AZIN2: variants seen among roughly 807,000 people sequenced by gnomAD.
The protein encoded by AZIN2 is antizyme inhibitor 2, also known as ODC antizyme inhibitor-2.
AZIN2 carries 28 observed loss-of-function variants against 47.8 expected under a neutral mutation model. That is an observed-to-expected ratio of 0.59 (90% CI 0.43 to 0.80). AZIN2 has a LOEUF of 0.80. Ranked by LOEUF, AZIN2 falls within the 30% of genes least tolerant of loss-of-function variation. The pLI, the probability that AZIN2 is intolerant of heterozygous loss-of-function variation, is 0.00. For missense variants in AZIN2, 535 were observed against 582.5 expected (o/e 0.92, Z 0.84); for synonymous variants, 221 against 239.4 (o/e 0.92, Z 0.71).
Position 33,094,530 on chromosome 1 carries a change from C to A in AZIN2, c.588-18C>A. Reference sequence around the variant, plus strand: ...TTGGAGCCCTGCATGTCAGCCGAGGCTCTTCCTCTCTTCCCAGTTTTCACA... The same window carrying A: ...TTGGAGCCCTGCATGTCAGCCGAGGATCTTCCTCTCTTCCCAGTTTTCACA... On this transcript the variant is annotated intron_variant, in intron 7 of 11. Coordinates refer to ENST00000294517, the MANE Select transcript of AZIN2 (RefSeq NM_052998.4). 6.2e-7 allele frequency: 1 copy of A among 1,602,746 alleles called. No individual in the cohort carries two copies. The highest frequency in any genetic ancestry group is 8.5e-7 in the Non-Finnish European group (1 of 1,171,310).
At chr1:33,161,321 C>G in the AZIN2 span, among the ~76,000 whole-genome samples, 6 of 152,276 alleles carry the variant, frequency 3.9e-5, no homozygotes, top group East Asian at 7.7e-4. The surrounding 1 kb of genome is among the most constrained non-coding windows in gnomAD (Gnocchi z 4.3). Flanking sequence ...AAGGGCTTAA[C>G]GTCAGGACGA....
intron 9 of AZIN2, 168 bp from the exon 10 acceptor site, chr1:33,097,899 C>T (rs1027177186): frequency 5.3e-5 from 33 of 619,510 alleles, no homozygotes; most frequent in Admixed American, 3.8e-4. Flanking sequence ...GGCAGTGAAC[C>T]CATGTCATTG....
At chr1:33,134,318 G>C in the AZIN2 span, among the ~76,000 whole-genome samples, 2 of 152,272 alleles carry the variant, frequency 1.3e-5, no homozygotes, top group African/African-American at 4.8e-5. Context: ...CTATCGTGGT[G>C]AAGTGTCTGG....
At chr1:33,110,610 AG>A (rs1366476269) in intron 10 of AZIN2, among the ~76,000 whole-genome samples, 1 of 152,242 alleles carries the variant, frequency 6.6e-6, no homozygotes, top group Non-Finnish European at 1.5e-5. Context: ...GGCCAGGGTA[AG>A]CAGCATATTA....
At chr1:33,161,271 G>T in the AZIN2 span, among the ~76,000 whole-genome samples, 1 of 152,222 alleles carries the variant, frequency 6.6e-6, no homozygotes, top group Non-Finnish European at 1.5e-5. The surrounding 1 kb of genome is among the most constrained non-coding windows in gnomAD (Gnocchi z 4.3). Flanking sequence ...CAGGATGTCA[G>T]TTGGGGGTCA....
chr1:33,158,452 A>T, the AZIN2 span: 2 of 1,056,924 alleles, frequency 1.9e-6, no homozygotes, highest in South Asian at 2.6e-5. Flanking sequence ...CCTTCAGGGC[A>T]GCTGGCATAG....
In AZIN2 at chr1:33,119,315, A is replaced by T. The variant is rs1315205999; in HGVS notation, c.1245-729A>T. On this transcript the variant is annotated intron_variant, in intron 11 of 11. Transcript: ENST00000294517. ...GGGAAATGGCTGGCAGCTCAAGGGC[A>T]GGGATTTGTTTTTTGGAAAGATGAA... is the stretch of plus-strand genomic sequence containing the variant. The T allele has an allele frequency of 1.9e-5, 3 of 154,078 alleles. No individual in the cohort carries two copies. The East Asian group carries it at 5.8e-4, about 30-fold the overall frequency. The allele number at this position is 154,078 out of a possible 1,614,324, so 9.5% of individuals were successfully genotyped here. A position where few individuals can be genotyped will look rare whatever the true frequency, so the allele number is the denominator to read the frequency against.
At chr1:33,098,566 T>A (rs1390328757) in intron 10 of AZIN2, among the ~76,000 whole-genome samples, 2 of 152,214 alleles carry the variant, frequency 1.3e-5, no homozygotes, top group Non-Finnish European at 2.9e-5. Flanking sequence ...AGCTCTGTGG[T>A]AAATTCCTGG....
At chr1:33,137,703 G>T in the AZIN2 span, among the ~76,000 whole-genome samples, 3 of 152,238 alleles carry the variant, frequency 2.0e-5, no homozygotes, top group East Asian at 5.8e-4. Context: ...TATTTGCTTT[G>T]GGAACCAGAA....
At chr1:33,126,992 T>C (rs1365500183), downstream of AZIN2, among the ~76,000 whole-genome samples, 3 of 152,344 alleles carry the variant, frequency 2.0e-5, no homozygotes, top group East Asian at 5.8e-4. Context: ...CTCTCTGGGT[T>C]TCGCTTTCTC....
intron 10 of AZIN2, among the ~76,000 whole-genome samples, chr1:33,100,986 C>T (rs1007815811): frequency 1.3e-5 from 2 of 152,020 alleles, no homozygotes; most frequent in Non-Finnish European, 2.9e-5. Flanking sequence ...CTCAGCCTCC[C>T]GAGTAGCTGG....
chr1:33,154,160 C>T, the AZIN2 span, among the ~76,000 whole-genome samples: 1 of 152,186 alleles, frequency 6.6e-6, no homozygotes, highest in African/African-American at 2.4e-5. Flanking sequence ...GAATATGGCT[C>T]ATTTAAGATC....
the AZIN2 span, among the ~76,000 whole-genome samples, chr1:33,139,508 G>A: frequency 6.6e-6 from 1 of 152,186 alleles, no homozygotes; most frequent in African/African-American, 2.4e-5. Flanking sequence ...CCTGCCTTGA[G>A]TGGGACATGA....
chr1:33,136,113 CCCTTCCTTCCTTCCTTCCTTCCTT>C, the AZIN2 span, among the ~76,000 whole-genome samples: 27 of 103,570 alleles, frequency 2.6e-4, no homozygotes, highest in South Asian at 8.0e-4. Flanking sequence ...CAGGGGCCAG[CCCTTCCTTCCTTCCTTCCTTCCTT>C]CCTTCCTTCC....
the AZIN2 span, among the ~76,000 whole-genome samples, chr1:33,131,573 A>G: frequency 6.6e-6 from 1 of 152,224 alleles, no homozygotes; most frequent in African/African-American, 2.4e-5. Flanking sequence ...TTAAATATTG[A>G]ATATTGATTT....
the AZIN2 span, among the ~76,000 whole-genome samples, chr1:33,137,716 C>T: frequency 1.2e-3 from 182 of 152,308 alleles, no homozygotes; most frequent in Non-Finnish European, 2.1e-3. Flanking sequence ...AACCAGAAAA[C>T]TTTCAAGTGG....
At chr1:33,136,997 CAAA>C in the AZIN2 span, among the ~76,000 whole-genome samples, 1 of 119,462 alleles carries the variant, frequency 8.4e-6, no homozygotes, top group Admixed American at 8.8e-5. Flanking sequence ...ACTCAGTCTC[CAAA>C]AAAAAAAAAA....
intron 5 of AZIN2, among the ~76,000 whole-genome samples, chr1:33,088,082 CCTT>C (rs1373586316): frequency 6.6e-6 from 1 of 152,168 alleles, no homozygotes; most frequent in Non-Finnish European, 1.5e-5. Context: ...TGTAAACCCT[CCTT>C]CTTCTCAGAA....
At chr1:33,115,521 T>C (rs1644498462) in intron 10 of AZIN2, among the ~76,000 whole-genome samples, 1 of 151,984 alleles carries the variant, frequency 6.6e-6, no homozygotes, top group Non-Finnish European at 1.5e-5. Flanking sequence ...CTGGCCAACA[T>C]GGCAAAATCC....
Sources: allele counts gnomAD v4.1 joint callset (sites outside exome capture counted in the v4.1 genomes callset), GRCh38; gene constraint gnomAD v4.1.1; non-coding constraint Gnocchi (gnomAD v3.1); transcripts MANE v1.5; gene names NCBI Gene and HGNC (gene_info 2026-07-23, HGNC 2026-07-21).